The following CRTAC1 variants were observed in gnomAD, a reference collection of about 807,000 sequenced individuals.
CRTAC1 encodes cartilage acidic protein 1, also known as acidic secreted protein in cartilage.
CRTAC1 carries 37 observed loss-of-function variants against 67.8 expected under a neutral mutation model. That is an observed-to-expected ratio of 0.55 (90% CI 0.42 to 0.72). The LOEUF (loss-of-function observed/expected upper bound fraction) is 0.72, where lower values mean the gene tolerates loss of function less well. Among genes scored for constraint, CRTAC1 ranks in the 30% least tolerant of loss-of-function variants. CRTAC1 has a pLI of 0.00. For synonymous variants in CRTAC1, 348 were observed against 371.0 expected, an observed-to-expected ratio of 0.94 and a Z score of 0.71; for missense variants, 780 against 931.6, an observed-to-expected ratio of 0.84 and a Z score of 2.12.
rs546374311 is a variant in CRTAC1, at chr10:97,920,609, T to A, written c.558+2655A>T. 8.5e-5 allele frequency among the ~76,000 whole-genome samples: 13 copies of A among 152,310 alleles called. No individual in the cohort carries two copies. The East Asian group carries it at 2.5e-3, about 30-fold the overall frequency. On this transcript the variant is annotated intron_variant, in intron 4 of 14. Transcript: ENST00000370597. ...ACGAGTTCCCAGATGATGCTGACACTGCTGGTCTGGGAACCACACTTTTGA... is the reference window on the plus strand; with the variant it reads ...ACGAGTTCCCAGATGATGCTGACACAGCTGGTCTGGGAACCACACTTTTGA...
rs761416143 is a variant in CRTAC1, at chr10:97,908,046, C to T, written c.817G>A (p.Asp273Asn). The T allele has an allele frequency of 2.5e-5, 41 of 1,614,066 alleles. No homozygotes were observed. Among genetic ancestry groups the T allele is most frequent in the South Asian group, 6.6e-5 (6 of 91,084 alleles). The change falls in exon 6 of 15, where the codon GAT becomes AAT. Residue 273 changes from aspartate to asparagine, a missense_variant. Physicochemically the swap from Asp to Asn is conservative, Grantham distance 23. Coordinates refer to ENST00000370597, the MANE Select transcript of CRTAC1 (RefSeq NM_018058.7). Reference sequence around the variant, plus strand: ...GCCGCAGCGTCCACAAAGGTGCCATCGCCCCGGTTGTGGAAAAGGAAGTTA... The same window carrying T: ...GCCGCAGCGTCCACAAAGGTGCCATTGCCCCGGTTGTGGAAAAGGAAGTTA... ...GPNFLFHNRG[D>N]GTFVDAAASA...
chr10:98,011,920 A>G (rs1479528739), intron 1 of CRTAC1, among the ~76,000 whole-genome samples: 1 of 152,202 alleles, frequency 6.6e-6, no homozygotes, highest in Non-Finnish European at 1.5e-5. Flanking sequence ...GACCCTCATG[A>G]GTATCCAGAT....
Position 98,030,574 on chromosome 10 carries a change from G to A in CRTAC1, c.-102C>T, listed in dbSNP as rs1843356777. On this transcript the variant is annotated 5_prime_UTR_variant, in exon 1 of 15. Coordinates refer to ENST00000370597, the MANE Select transcript of CRTAC1 (RefSeq NM_018058.7). The surrounding 1 kb of genome is among the most constrained non-coding windows in gnomAD (Gnocchi z 4.2). ...CCTGCTTGCTCCCAGCCCCGGTCCC[G>A]GGCTGGCCTCGAGCCTCCCGCCCCG... is the stretch of plus-strand genomic sequence containing the variant. 6 of 840,594 alleles carry A rather than the reference G, an allele frequency of 7.1e-6. No individual in the cohort carries two copies. The highest frequency in any genetic ancestry group is 1.2e-4 in the South Asian group (2 of 16,728). The allele number at this position is 840,594 out of a possible 1,614,324, so 52.1% of individuals were successfully genotyped here. A position where few individuals can be genotyped will look rare whatever the true frequency, so the allele number is the denominator to read the frequency against.
intron 1 of CRTAC1, among the ~76,000 whole-genome samples, chr10:98,013,868 T>G (rs1842951665): frequency 6.6e-6 from 1 of 152,210 alleles, no homozygotes; most frequent in Non-Finnish European, 1.5e-5. Flanking sequence ...CAAGCCATCA[T>G]TAGTGTGGAT....
intron 2 of CRTAC1, among the ~76,000 whole-genome samples, chr10:98,008,377 TTTCC>T (rs1842836438): frequency 6.7e-6 from 1 of 149,088 alleles, no homozygotes; most frequent in Non-Finnish European, 1.5e-5. Flanking sequence ...GCACCCTTTC[TTTCC>T]TTCCATCTGG....
chr10:98,024,324 G>A (rs781303794), intron 1 of CRTAC1, among the ~76,000 whole-genome samples: 8 of 152,180 alleles, frequency 5.3e-5, no homozygotes, highest in Admixed American at 2.6e-4. Context: ...AAAGTAATAC[G>A]TCAAAATGTC....
chr10:97,891,705 C>G (rs1358690575), intron 11 of CRTAC1, among the ~76,000 whole-genome samples: 1 of 152,252 alleles, frequency 6.6e-6, no homozygotes, highest in Non-Finnish European at 1.5e-5. Flanking sequence ...ACCCCCATGT[C>G]CTTCCCTCCA....
chr10:97,978,514 C>T (rs768970923), intron 2 of CRTAC1, among the ~76,000 whole-genome samples: 1 of 152,166 alleles, frequency 6.6e-6, no homozygotes, highest in Non-Finnish European at 1.5e-5. Flanking sequence ...ACATATCAAC[C>T]CTTGCTTGCT....
rs923049651 is a variant in CRTAC1 at position 97,936,066 on chromosome 10, T to G, written c.421+104A>C. On this transcript the variant is annotated intron_variant, in intron 3 of 14. Coordinates refer to ENST00000370597, the MANE Select transcript of CRTAC1 (RefSeq NM_018058.7). ...CAGGGGGCAGTGCCTAGGGGGACAA[T>G]GACAGTTGCCTGAGGAAGGGCCAGG... 9.9e-6 allele frequency: 11 copies of G among 1,107,936 alleles called. No individual in the cohort carries two copies. In the African/African-American group the frequency reaches 1.1e-4, roughly 11 times the overall value. The allele number at this position is 1,107,936 out of a possible 1,614,324, so 68.6% of individuals were successfully genotyped here. A position where few individuals can be genotyped will look rare whatever the true frequency, so the allele number is the denominator to read the frequency against.
chr10:97,866,619 C>T (rs146633891), intron 14 of CRTAC1: 18 of 152,346 alleles, frequency 1.2e-4, no homozygotes, highest in South Asian at 8.3e-4. Context: ...CGTGTGTGAG[C>T]GCATGTGTGT....
intron 11 of CRTAC1, among the ~76,000 whole-genome samples, chr10:97,887,764 G>A (rs537613496): frequency 1.3e-5 from 2 of 152,376 alleles, no homozygotes; most frequent in South Asian, 4.1e-4. Flanking sequence ...AGGAAGCACA[G>A]CCTTTCTACC....
intron 14 of CRTAC1, chr10:97,879,936 A>G: frequency 2.4e-6 from 2 of 820,902 alleles, no homozygotes; most frequent in Non-Finnish European, 3.8e-6. Flanking sequence ...GAGTAGTAGG[A>G]GTTAGTTTAT....
intron 2 of CRTAC1, among the ~76,000 whole-genome samples, chr10:97,988,322 C>T (rs545693495): frequency 1.3e-5 from 2 of 152,248 alleles, no homozygotes; most frequent in East Asian, 1.9e-4. Context: ...TCTGACTAAT[C>T]CAGTTCATTA....
intron 2 of CRTAC1, among the ~76,000 whole-genome samples, chr10:97,977,749 A>G (rs968791033): frequency 8.5e-5 from 13 of 152,202 alleles, no homozygotes; most frequent in African/African-American, 3.1e-4. Context: ...TTTGCTATCA[A>G]AACTGAAACT....
chr10:98,023,420 C>G lies in CRTAC1; in HGVS notation c.24+7029G>C, dbSNP rs894845936. ...ACTCATTTGTGCACCCACTGAGCAC[C>G]TACTGAGCCCCTCCACATGCCAAGT... On this transcript the variant is annotated intron_variant, in intron 1 of 14. Transcript: ENST00000370597. 5.3e-5 allele frequency among the ~76,000 whole-genome samples: 8 copies of G among 152,204 alleles called. No homozygotes were observed. The South Asian group carries it at 1.7e-3, about 32-fold the overall frequency.
intron 2 of CRTAC1, among the ~76,000 whole-genome samples, chr10:97,992,013 A>C (rs1055521715): frequency 6.6e-6 from 1 of 152,204 alleles, no homozygotes; most frequent in African/African-American, 2.4e-5. Context: ...CAGACAGGGA[A>C]GAAGGCCAGG....
chr10:97,877,138 C>T (rs2050157664), intron 14 of CRTAC1, among the ~76,000 whole-genome samples: 1 of 152,026 alleles, frequency 6.6e-6, no homozygotes, highest in South Asian at 2.1e-4. Context: ...GCTTGTCATA[C>T]AGGATATTCT....
chr10:97,888,608 G>A (rs1021239941), intron 11 of CRTAC1, among the ~76,000 whole-genome samples: 2 of 152,150 alleles, frequency 1.3e-5, no homozygotes, highest in African/African-American at 2.4e-5. Context: ...GTCTGAGCTA[G>A]GACTGGAAAC....
intron 2 of CRTAC1, among the ~76,000 whole-genome samples, chr10:97,997,534 G>A (rs2584525): frequency 0.11 from 16,032 of 150,388 alleles, 900 homozygotes; most frequent in South Asian, 0.16. Flanking sequence ...AATATAATAA[G>A]GAAGCAAGCC....
Sources: gnomAD v4.1 joint callset for allele counts (sites outside exome capture counted in the v4.1 genomes callset) on GRCh38, gnomAD v4.1.1 for gene constraint, Gnocchi (gnomAD v3.1) non-coding constraint, MANE v1.5 for transcripts, NCBI Gene and HGNC (gene_info 2026-07-23, HGNC 2026-07-21) for gene names.